Variants in TRPM3 observed in about 807,000 individuals in gnomAD.
TRPM3 encodes the protein transient receptor potential cation channel subfamily M member 3, also known as long transient receptor potential channel 3.
In TRPM3, 77 loss-of-function variants were observed where a neutral mutation model predicts 181.2. The ratio of observed to expected loss-of-function variants is 0.42; its 90% confidence interval spans 0.35 to 0.51. TRPM3 has a LOEUF of 0.51. Among genes scored for constraint, TRPM3 ranks in the 20% least tolerant of loss-of-function variants. The pLI is 0.01. For synonymous variants in TRPM3, 745 were observed against 796.4 expected (o/e 0.94, Z 1.09); for missense variants, 1,759 against 2,196.7 (o/e 0.80, Z 3.98).
intron 1 of TRPM3, among the ~76,000 whole-genome samples, chr9:71,014,940 T>C (rs1318811490): frequency 1.1e-4 from 17 of 152,178 alleles, no homozygotes; most frequent in Admixed American, 1.1e-3. Context: ...TAATCAGCTT[T>C]CTCTTTTCTT....
intron 1 of TRPM3, among the ~76,000 whole-genome samples, chr9:71,358,174 T>A (rs1005473489): frequency 6.6e-6 from 1 of 152,218 alleles, no homozygotes; most frequent in East Asian, 1.9e-4. Context: ...GGCAAAATAG[T>A]CTGAAAGCTC....
intron 1 of TRPM3, among the ~76,000 whole-genome samples, chr9:71,370,103 A>T (rs1455800868): frequency 6.6e-6 from 1 of 152,176 alleles, no homozygotes; most frequent in African/African-American, 2.4e-5. Flanking sequence ...TGACTGCTTC[A>T]TCTATCAGCC....
At chr9:71,405,289 G>A (rs572235701) in intron 1 of TRPM3, among the ~76,000 whole-genome samples, 44 of 152,238 alleles carry the variant, frequency 2.9e-4, no homozygotes, top group African/African-American at 1.0e-3. Flanking sequence ...ACAGCAAAGT[G>A]CAAAATGCAC....
intron 25 of TRPM3, among the ~76,000 whole-genome samples, chr9:70,537,943 G>A (rs1015749124): frequency 8.5e-5 from 13 of 152,136 alleles, no homozygotes; most frequent in Non-Finnish European, 2.9e-5. Flanking sequence ...TTCCATGGAT[G>A]GGGGTTATTT....
Position 70,947,119 on chromosome 9 carries a change from C to G in TRPM3, c.178-82608G>C, listed in dbSNP as rs191761460. Among the ~76,000 whole-genome samples the G allele has an allele frequency of 2.3e-3, 350 of 152,292 alleles. 1 individual carries two copies. Among genetic ancestry groups the G allele is most frequent in the African/African-American group, 7.7e-3 (321 of 41,554 alleles). ...CTGGCTCATAATGTATACATACAGT[C>G]AGCTTTAGAATAAACTGAAAAAAGA... is the stretch of plus-strand genomic sequence containing the variant. On this transcript the variant is annotated intron_variant, in intron 1 of 25. Coordinates refer to ENST00000677713, the MANE Select transcript of TRPM3 (RefSeq NM_001366145.2).
intron 1 of TRPM3, among the ~76,000 whole-genome samples, chr9:71,253,252 T>G (rs1438141942): frequency 6.6e-6 from 1 of 152,198 alleles, no homozygotes; most frequent in Non-Finnish European, 1.5e-5. Flanking sequence ...CATCACTAGT[T>G]GAAAAGTTCT....
chr9:71,191,138 A>G (rs1043152162), intron 1 of TRPM3, among the ~76,000 whole-genome samples: 2 of 151,826 alleles, frequency 1.3e-5, no homozygotes, highest in African/African-American at 4.8e-5. Context: ...CACACTGAAA[A>G]TAATGTAGCC....
intron 1 of TRPM3, among the ~76,000 whole-genome samples, chr9:70,939,487 A>G (rs2096864147): frequency 6.6e-6 from 1 of 152,252 alleles, no homozygotes; most frequent in South Asian, 2.1e-4. Flanking sequence ...GGATCTGAAT[A>G]GCAACAGCAA....
chr9:71,263,186 T>C (rs1343215389), intron 1 of TRPM3, among the ~76,000 whole-genome samples: 1 of 152,222 alleles, frequency 6.6e-6, no homozygotes. Context: ...ACATAAGTGC[T>C]TTCATAATAA....
intron 1 of TRPM3, among the ~76,000 whole-genome samples, chr9:71,135,978 T>C (rs1055837756): frequency 5.3e-5 from 8 of 152,230 alleles, no homozygotes; most frequent in African/African-American, 1.2e-4. Context: ...AGTAAATGTA[T>C]AAAGACACCA....
At chr9:70,832,514 T>C (rs1326069393) in intron 5 of TRPM3, among the ~76,000 whole-genome samples, 4 of 152,146 alleles carry the variant, frequency 2.6e-5, no homozygotes. Flanking sequence ...TTCTGTATAC[T>C]TTGACTTTGA....
intron 1 of TRPM3, among the ~76,000 whole-genome samples, chr9:71,250,829 C>T (rs926282674): frequency 6.6e-6 from 1 of 152,016 alleles, no homozygotes; most frequent in Non-Finnish European, 1.5e-5. Context: ...AGCTACAGGA[C>T]AACGAACAAA....
At chr9:70,878,535 C>T (rs894293321) in intron 1 of TRPM3, among the ~76,000 whole-genome samples, 3 of 152,026 alleles carry the variant, frequency 2.0e-5, no homozygotes, top group Non-Finnish European at 4.4e-5. Context: ...AACAATGCTT[C>T]TAAATGATTT....
chr9:71,244,476 A>G (rs1395130539), intron 1 of TRPM3, among the ~76,000 whole-genome samples: 3 of 152,144 alleles, frequency 2.0e-5, no homozygotes, highest in African/African-American at 7.2e-5. Flanking sequence ...AAACATGACA[A>G]TATTTGTGGT....
chr9:71,283,108 A>G (rs2084979370), intron 1 of TRPM3, among the ~76,000 whole-genome samples: 1 of 151,620 alleles, frequency 6.6e-6, no homozygotes, highest in Non-Finnish European at 1.5e-5. Flanking sequence ...GTATTAAACG[A>G]TTCCCCCATT....
chr9:71,354,657 TA>T (rs1235898616), intron 1 of TRPM3, among the ~76,000 whole-genome samples: 1 of 152,240 alleles, frequency 6.6e-6, no homozygotes, highest in Non-Finnish European at 1.5e-5. Flanking sequence ...ATGTTCCTTG[TA>T]ATATATTCTT....
chr9:71,100,732 T>C (rs1565196085), intron 1 of TRPM3, among the ~76,000 whole-genome samples: 1 of 152,170 alleles, frequency 6.6e-6, no homozygotes, highest in Non-Finnish European at 1.5e-5. Context: ...AGTTCACTCC[T>C]TGCCCACTGA....
Position 71,415,287 on chromosome 9 carries a change from T to A in TRPM3, c.183+31366A>T, listed in dbSNP as rs117784995. ...TGAGACTAATCTCTGACTTTTGACCTCTGTAACTGTGGGAGAATAAACTTC... is the reference window on the plus strand; with the variant it reads ...TGAGACTAATCTCTGACTTTTGACCACTGTAACTGTGGGAGAATAAACTTC... On this transcript the variant is annotated intron_variant, in intron 1 of 24. Transcript: ENST00000357533. Among the ~76,000 whole-genome samples the A allele has an allele frequency of 4.3e-3, 658 of 152,218 alleles. 19 individuals carry two copies. The East Asian group carries it at 0.087, about 20-fold the overall frequency.
chr9:70,777,207 T>A (rs2081527275), intron 7 of TRPM3, among the ~76,000 whole-genome samples: 1 of 152,070 alleles, frequency 6.6e-6, no homozygotes, highest in Non-Finnish European at 1.5e-5. Context: ...TATGCAACTA[T>A]GTTTTCTCCG....
Sources: allele counts gnomAD v4.1 joint callset (sites outside exome capture counted in the v4.1 genomes callset), GRCh38; gene constraint gnomAD v4.1.1; transcripts MANE v1.5; gene names NCBI Gene and HGNC (gene_info 2026-07-23, HGNC 2026-07-21).